PDE8B: variants seen among roughly 807,000 people sequenced by gnomAD.
The protein encoded by PDE8B is phosphodiesterase 8B.
In PDE8B, 26 loss-of-function variants were observed where a neutral mutation model predicts 101.3. The ratio of observed to expected loss-of-function variants is 0.26; its 90% CI spans 0.19 to 0.36. The LOEUF is 0.36. Among genes scored for constraint, PDE8B ranks in the 10% least tolerant of loss-of-function variants. The pLI is 1.00. For missense variants in PDE8B, 810 were observed against 1,163.1 expected, an observed-to-expected ratio of 0.70 and a Z score of 4.42; for synonymous variants, 424 against 429.3, an observed-to-expected ratio of 0.99 and a Z score of 0.15.
intron 2 of PDE8B, among the ~76,000 whole-genome samples, chr5:77,317,458 C>T (rs1009186800): frequency 1.2e-4 from 19 of 152,268 alleles, no homozygotes; most frequent in African/African-American, 4.3e-4. Context: ...AATGTACTCC[C>T]ATAGGGCTCC....
chr5:77,289,758 T>TA (rs1258882931), intron 1 of PDE8B, among the ~76,000 whole-genome samples: 3 of 152,246 alleles, frequency 2.0e-5, no homozygotes, highest in Non-Finnish European at 2.9e-5. Context: ...CAGCATTTTG[T>TA]AATATGAATG....
the PDE8B span, among the ~76,000 whole-genome samples, chr5:77,143,684 A>G: frequency 5.3e-5 from 8 of 152,162 alleles, no homozygotes; most frequent in Non-Finnish European, 1.0e-4. Context: ...ACGATGTTAC[A>G]TTATTGACAT....
At chr5:77,344,115 T>A (rs1459338781) in intron 6 of PDE8B, among the ~76,000 whole-genome samples, 1 of 152,216 alleles carries the variant, frequency 6.6e-6, no homozygotes, top group Non-Finnish European at 1.5e-5. Flanking sequence ...TTAACTTTTC[T>A]TAGTAGTAGA....
chr5:77,236,201 G>T (rs955937559), intron 1 of PDE8B, among the ~76,000 whole-genome samples: 15 of 152,232 alleles, frequency 9.9e-5, no homozygotes, highest in African/African-American at 3.6e-4. Flanking sequence ...TTTGAGAGAA[G>T]CACAAGCAGG....
the PDE8B span, among the ~76,000 whole-genome samples, chr5:77,197,100 TA>T: frequency 6.9e-6 from 1 of 144,078 alleles, no homozygotes; most frequent in Non-Finnish European, 1.5e-5. Flanking sequence ...TACTGACCTT[TA>T]AAAAAAACTT....
At chr5:77,126,652 C>G in the PDE8B span, among the ~76,000 whole-genome samples, 2 of 152,062 alleles carry the variant, frequency 1.3e-5, no homozygotes, top group African/African-American at 4.8e-5. Flanking sequence ...CTCCTGAGCT[C>G]GAGCAATCCT....
intron 1 of PDE8B, among the ~76,000 whole-genome samples, chr5:77,278,950 CTGT>C (rs1320651329): frequency 6.6e-6 from 1 of 152,122 alleles, no homozygotes; most frequent in East Asian, 1.9e-4. Context: ...ATGTTACTTC[CTGT>C]TGTTAGAGTG....
the PDE8B span, chr5:77,114,817 T>C: frequency 2.0e-5 from 3 of 152,248 alleles, no homozygotes; most frequent in African/African-American, 7.2e-5. Context: ...CTTATTGCTT[T>C]AAAATGCAAG....
intron 10 of PDE8B, among the ~76,000 whole-genome samples, chr5:77,383,923 C>T (rs1480357195): frequency 1.3e-5 from 2 of 152,126 alleles, no homozygotes; most frequent in African/African-American, 2.4e-5. Context: ...ATGATGCCTC[C>T]AGCTTTGTTA....
At chr5:77,108,316 T>G in the PDE8B span, among the ~76,000 whole-genome samples, 2 of 152,242 alleles carry the variant, frequency 1.3e-5, no homozygotes, top group East Asian at 3.8e-4. Flanking sequence ...TTCTTGTTAT[T>G]TATTATTTAA....
At chr5:77,256,526 T>C (rs569556223) in intron 1 of PDE8B, among the ~76,000 whole-genome samples, 35 of 152,344 alleles carry the variant, frequency 2.3e-4, no homozygotes, top group African/African-American at 8.4e-4. Flanking sequence ...TTAGGTTGTT[T>C]CCAGTTTTTT....
chr5:77,094,958 A>G, the PDE8B span, among the ~76,000 whole-genome samples: 11 of 152,304 alleles, frequency 7.2e-5, no homozygotes, highest in Admixed American at 5.2e-4. Flanking sequence ...TTGGGAATCA[A>G]ACTTCAGCGT....
At chr5:77,202,175 A>G in the PDE8B span, among the ~76,000 whole-genome samples, 1 of 152,214 alleles carries the variant, frequency 6.6e-6, no homozygotes, top group African/African-American at 2.4e-5. Context: ...AGTACAGAAC[A>G]ATCCCTATTA....
chr5:77,122,887 A>T, the PDE8B span, among the ~76,000 whole-genome samples: 1 of 152,216 alleles, frequency 6.6e-6, no homozygotes, highest in Non-Finnish European at 1.5e-5. Context: ...GATCCCCATG[A>T]AAAGGAAACG....
At chr5:77,237,319 T>C (rs915927786) in intron 1 of PDE8B, among the ~76,000 whole-genome samples, 3 of 152,192 alleles carry the variant, frequency 2.0e-5, no homozygotes, top group African/African-American at 4.8e-5. Context: ...CTCTGTTCCA[T>C]CTTTTCTGCT....
chr5:77,425,501 C>T (rs555626474), intron 20 of PDE8B, among the ~76,000 whole-genome samples: 5 of 152,188 alleles, frequency 3.3e-5, no homozygotes, highest in Admixed American at 6.5e-5. Flanking sequence ...TGCAGTGAAC[C>T]GAGACTGCAC....
chr5:77,099,550 C>T, the PDE8B span, among the ~76,000 whole-genome samples: 25 of 152,058 alleles, frequency 1.6e-4, no homozygotes, highest in Non-Finnish European at 3.4e-4. Context: ...GTGCAGAGGA[C>T]AGCATTGCTG....
At chr5:77,350,075 C>T (rs1036387147) in intron 8 of PDE8B, among the ~76,000 whole-genome samples, 5 of 152,084 alleles carry the variant, frequency 3.3e-5, no homozygotes, top group Non-Finnish European at 7.4e-5. Flanking sequence ...GATGGAAGTC[C>T]GAGAGGAATT....
chr5:77,139,394 AG>A, the PDE8B span: 12 of 152,354 alleles, frequency 7.9e-5, no homozygotes, highest in African/African-American at 2.7e-4. Flanking sequence ...CTGAACTGCC[AG>A]TTAAATAAAT....
Sources: gnomAD v4.1 joint callset for allele counts (sites outside exome capture counted in the v4.1 genomes callset) on GRCh38, gnomAD v4.1.1 for gene constraint, MANE v1.5 for transcripts, NCBI Gene and HGNC (gene_info 2026-07-23, HGNC 2026-07-21) for gene names.